The following RALGPS2 variants were observed in gnomAD, a reference collection of about 807,000 sequenced individuals.
RALGPS2 encodes the protein ras-specific guanine nucleotide-releasing factor RalGPS2.
In RALGPS2, 43 loss-of-function variants were observed where a neutral mutation model predicts 86.8. The ratio of observed to expected loss-of-function variants is 0.50; its 90% CI spans 0.39 to 0.64. The LOEUF (loss-of-function observed/expected upper bound fraction) is 0.64, where lower values mean the gene tolerates loss of function less well. Ranked by LOEUF, RALGPS2 falls within the 30% of genes least tolerant of loss-of-function variation. RALGPS2 has a pLI of 0.00. For synonymous variants in RALGPS2, 243 were observed against 231.3 expected (o/e 1.05, Z -0.46); for missense variants, 536 against 694.6 (o/e 0.77, Z 2.57).
At chr1:178,872,516 G>A (rs1233800787) in intron 8 of RALGPS2, among the ~76,000 whole-genome samples, 1 of 152,190 alleles carries the variant, frequency 6.6e-6, no homozygotes, top group Non-Finnish European at 1.5e-5. Flanking sequence ...AGACAGTGTT[G>A]CCAGATCTTC....
At chr1:178,848,525 T>C (rs1656979298) in intron 8 of RALGPS2, among the ~76,000 whole-genome samples, 1 of 152,306 alleles carries the variant, frequency 6.6e-6, no homozygotes, top group South Asian at 2.1e-4. Context: ...ACTATGTCTC[T>C]TCTTGCCTTA....
intron 18 of RALGPS2, 36 bp downstream of exon 18, chr1:178,902,247 C>A: frequency 6.7e-7 from 1 of 1,482,236 alleles, no homozygotes; most frequent in Non-Finnish European, 9.4e-7. Context: ...TACGATACTG[C>A]GTATGTGTTT....
chr1:178,773,183 T>TA (rs1652889757), intron 1 of RALGPS2, among the ~76,000 whole-genome samples: 1 of 152,102 alleles, frequency 6.6e-6, no homozygotes, highest in Non-Finnish European at 1.5e-5. Flanking sequence ...ACCCTGTCTC[T>TA]AAAAAAATGT....
chr1:178,812,872 T>C (rs1655049375), intron 6 of RALGPS2, among the ~76,000 whole-genome samples: 1 of 152,062 alleles, frequency 6.6e-6, no homozygotes, highest in African/African-American at 2.4e-5. Flanking sequence ...TTTGATATTT[T>C]GCAAAAGTGT....
chr1:178,819,707 T>C (rs1655405724), intron 6 of RALGPS2, among the ~76,000 whole-genome samples: 1 of 152,220 alleles, frequency 6.6e-6, no homozygotes, highest in Non-Finnish European at 1.5e-5. Context: ...TCTTACCCAA[T>C]ATTTTTAATT....
At chr1:178,858,765 G>A (rs932531529) in intron 8 of RALGPS2, among the ~76,000 whole-genome samples, 4 of 152,152 alleles carry the variant, frequency 2.6e-5, no homozygotes, top group Non-Finnish European at 5.9e-5. Context: ...GAATAGAACA[G>A]TGAGTTAAAA....
intron 8 of RALGPS2, among the ~76,000 whole-genome samples, chr1:178,841,383 G>A (rs1171815782): frequency 7.0e-6 from 1 of 142,304 alleles, no homozygotes; most frequent in Non-Finnish European, 1.5e-5. Flanking sequence ...CATATAAACA[G>A]AGCCAAAGAC....
chr1:178,797,452 G>C (rs562849348), intron 4 of RALGPS2, among the ~76,000 whole-genome samples: 1 of 151,902 alleles, frequency 6.6e-6, no homozygotes, highest in African/African-American at 2.4e-5. Flanking sequence ...TGGGAGTCCC[G>C]GTGCAATTTT....
chr1:178,855,566 T>C (rs1437165467), intron 8 of RALGPS2, among the ~76,000 whole-genome samples: 1 of 151,988 alleles, frequency 6.6e-6, no homozygotes, highest in Admixed American at 6.5e-5. Flanking sequence ...TTATGGTGTC[T>C]TTCCTGCGTT....
At chr1:178,869,760 AT>A (rs1287783923) in intron 8 of RALGPS2, among the ~76,000 whole-genome samples, 1 of 152,084 alleles carries the variant, frequency 6.6e-6, no homozygotes, top group Non-Finnish European at 1.5e-5. Flanking sequence ...AATATCTTTA[AT>A]TTTTACAAGG....
intron 4 of RALGPS2, among the ~76,000 whole-genome samples, chr1:178,788,591 C>A (rs1653782306): frequency 6.6e-6 from 1 of 152,034 alleles, no homozygotes; most frequent in African/African-American, 2.4e-5. Flanking sequence ...AATAGTATTC[C>A]AGGCAAAGGG....
intron 1 of RALGPS2, among the ~76,000 whole-genome samples, chr1:178,758,056 T>G (rs1652042807): frequency 6.6e-6 from 1 of 152,168 alleles, no homozygotes; most frequent in South Asian, 2.1e-4. Context: ...TTTCTCTAGA[T>G]TTTTTAGTTT....
chr1:178,798,364 A>G (rs1654304359), intron 4 of RALGPS2, among the ~76,000 whole-genome samples: 2 of 152,230 alleles, frequency 1.3e-5, no homozygotes, highest in South Asian at 2.1e-4. Flanking sequence ...TTATCTCCAC[A>G]TGAGCAGTTC....
intron 14 of RALGPS2, among the ~76,000 whole-genome samples, chr1:178,890,395 C>CTTATG (rs1304864732): frequency 1.8e-4 from 28 of 151,898 alleles, no homozygotes; most frequent in Admixed American, 1.6e-3. Flanking sequence ...CCATTTCAGA[C>CTTATG]TCATAAGGTA....
intron 1 of RALGPS2, among the ~76,000 whole-genome samples, chr1:178,734,782 G>A (rs75722897): frequency 0.036 from 5,501 of 152,100 alleles, 119 homozygotes; most frequent in Middle Eastern, 0.058. Context: ...TAGGGAGAGG[G>A]AGAGAAAAAA....
At position 178,746,784 on chromosome 1, in the gene RALGPS2, C is replaced by G. The variant is rs562945747; in HGVS notation, c.-84+21365C>G. On this transcript the variant is annotated intron_variant, in intron 1 of 19. Coordinates refer to ENST00000367635, the MANE Select transcript of RALGPS2 (RefSeq NM_152663.5). Reference sequence around the variant, plus strand: ...TGAGCTGTGGTGGCCTTTCTGTCCTCTCACATACGTTTCCGTAGAACACTC... The same window carrying G: ...TGAGCTGTGGTGGCCTTTCTGTCCTGTCACATACGTTTCCGTAGAACACTC... The G allele has an allele frequency of 8.7e-6, 8 of 916,748 alleles. No homozygotes were observed. In the African/African-American group the frequency reaches 1.3e-4, roughly 15 times the overall value. The allele number at this position is 916,748 out of a possible 1,614,324, so 56.8% of individuals were successfully genotyped here.
chr1:178,812,928 C>CTTTTTTTTTTTTTTT, intron 6 of RALGPS2, among the ~76,000 whole-genome samples: 1 of 106,852 alleles, frequency 9.4e-6, no homozygotes, highest in Non-Finnish European at 1.9e-5. Context: ...TAGGTAAATA[C>CTTTTTTTTTTTTTTT]TTTTTTTTTT....
chr1:178,750,472 A>T (rs1182144291), intron 1 of RALGPS2, among the ~76,000 whole-genome samples: 1 of 152,244 alleles, frequency 6.6e-6, no homozygotes, highest in Non-Finnish European at 1.5e-5. Flanking sequence ...AATAAAACAA[A>T]GTGGCACCCT....
At chr1:178,785,521 C>T in intron 3 of RALGPS2, 36 bp from the exon 4 acceptor site, 2 of 1,551,436 alleles carry the variant, frequency 1.3e-6, no homozygotes, top group Non-Finnish European at 1.7e-6. Context: ...TATAGAATTC[C>T]AAAGAAGAAA....
Sources: gnomAD v4.1 joint callset for allele counts (sites outside exome capture counted in the v4.1 genomes callset) on GRCh38, gnomAD v4.1.1 for gene constraint, MANE v1.5 for transcripts, NCBI Gene and HGNC (gene_info 2026-07-23, HGNC 2026-07-21) for gene names.